Variants in ACTR3C observed in about 807,000 individuals in gnomAD.
ACTR3C encodes the protein actin-related protein 3C.
Under a neutral mutation model 26.3 loss-of-function variants are expected in ACTR3C, and 18 were observed. The ratio of observed to expected loss-of-function variants is 0.68; its 90% CI spans 0.47 to 1.01. The LOEUF is 1.01. ACTR3C is among the 50% of genes least tolerant of loss of function. The probability of loss-of-function intolerance (pLI) is 0.00; values close to 1 mark genes in which losing one functional copy is unlikely to be tolerated. For missense variants in ACTR3C, 184 were observed against 250.7 expected (o/e 0.73, Z 1.80); for synonymous variants, 55 against 94.5 (o/e 0.58, Z 2.42).
At chr7:150,258,007 G>A (rs996826780) in intron 6 of ACTR3C, among the ~76,000 whole-genome samples, 9 of 152,208 alleles carry the variant, frequency 5.9e-5, no homozygotes, top group African/African-American at 1.7e-4. Context: ...TTAGAGGTGC[G>A]ACCAAGGGGG....
At chr7:150,034,922 G>A in the ACTR3C span, among the ~76,000 whole-genome samples, 1 of 148,938 alleles carries the variant, frequency 6.7e-6, no homozygotes, top group African/African-American at 2.5e-5. Context: ...CCTGCGATGG[G>A]GGTACTAACA....
the ACTR3C span, among the ~76,000 whole-genome samples, chr7:150,140,950 T>G: frequency 1.3e-5 from 2 of 152,228 alleles, no homozygotes; most frequent in Admixed American, 1.3e-4. Context: ...CAAAACAGCC[T>G]TATTGCTGAC....
chr7:150,241,048 A>G (rs1832150437), downstream of ACTR3C, among the ~76,000 whole-genome samples: 1 of 151,956 alleles, frequency 6.6e-6, no homozygotes. Flanking sequence ...GAGAAATTAA[A>G]GAAAGCTAAT....
the ACTR3C span, among the ~76,000 whole-genome samples, chr7:149,930,481 TAGC>T: frequency 6.6e-6 from 1 of 152,226 alleles, no homozygotes; most frequent in African/African-American, 2.4e-5. Flanking sequence ...CAGCTTTCAG[TAGC>T]AGTTCAGTAG....
the ACTR3C span, among the ~76,000 whole-genome samples, chr7:150,068,675 C>T: frequency 6.9e-6 from 1 of 144,228 alleles, no homozygotes; most frequent in Admixed American, 7.1e-5. Context: ...CCCAGCTACT[C>T]GGGAGGCTGA....
intron 3 of ACTR3C, among the ~76,000 whole-genome samples, chr7:150,292,149 C>G (rs1836317469): frequency 6.6e-6 from 1 of 150,458 alleles, no homozygotes; most frequent in African/African-American, 2.5e-5. Context: ...TTTAAAAGAG[C>G]TGTGTGTATG....
At chr7:149,998,097 C>T in the ACTR3C span, among the ~76,000 whole-genome samples, 2 of 150,878 alleles carry the variant, frequency 1.3e-5, no homozygotes, top group African/African-American at 2.4e-5. Context: ...GAAATGCAGG[C>T]AAACTATAGA....
At chr7:150,302,292 C>T (rs968602060) in intron 1 of ACTR3C, among the ~76,000 whole-genome samples, 15 of 152,186 alleles carry the variant, frequency 9.9e-5, no homozygotes, top group Non-Finnish European at 1.0e-4. Context: ...GCCTCTTGCG[C>T]GGTGCTGACG....
chr7:150,242,208 C>G (rs1832221881), downstream of ACTR3C, among the ~76,000 whole-genome samples: 2 of 144,160 alleles, frequency 1.4e-5, no homozygotes, highest in Middle Eastern at 3.2e-3. Context: ...ACAGTGAGAA[C>G]TTGTCTCAAA....
chr7:150,043,566 G>C, the ACTR3C span, among the ~76,000 whole-genome samples: 1 of 152,210 alleles, frequency 6.6e-6, no homozygotes, highest in Non-Finnish European at 1.5e-5. Flanking sequence ...TCAGTACCTG[G>C]CCTCATGGCT....
At chr7:150,136,498 C>T in the ACTR3C span, among the ~76,000 whole-genome samples, 1 of 151,814 alleles carries the variant, frequency 6.6e-6, no homozygotes, top group Admixed American at 6.6e-5. Flanking sequence ...GGTGAAACCC[C>T]GTCTCTACTA....
At chr7:150,065,170 G>T in the ACTR3C span, among the ~76,000 whole-genome samples, 1 of 152,032 alleles carries the variant, frequency 6.6e-6, no homozygotes, top group African/African-American at 2.4e-5. Flanking sequence ...AGTAATTCCT[G>T]CAAGGAAAAA....
chr7:150,133,308 C>G, the ACTR3C span, among the ~76,000 whole-genome samples: 909 of 152,286 alleles, frequency 6.0e-3, 1 homozygote, highest in Non-Finnish European at 9.5e-3. Flanking sequence ...AAGGGACCAA[C>G]TCTCCCTCCC....
At chr7:150,280,286 T>C (rs1301475005) in intron 6 of ACTR3C, among the ~76,000 whole-genome samples, 2 of 152,176 alleles carry the variant, frequency 1.3e-5, no homozygotes, top group African/African-American at 4.8e-5. Context: ...TCACCTGCTC[T>C]CACACGGAGG....
chr7:150,286,121 C>T (rs28758896), intron 5 of ACTR3C, among the ~76,000 whole-genome samples: 33,666 of 151,656 alleles, frequency 0.22, 5,731 homozygotes, highest in African/African-American at 0.47. Flanking sequence ...TATCATCTAT[C>T]GCTCCTAAAA....
the ACTR3C span, among the ~76,000 whole-genome samples, chr7:149,952,815 T>C: frequency 6.6e-6 from 1 of 151,010 alleles, no homozygotes; most frequent in African/African-American, 2.5e-5. Context: ...TAAAGCCTTG[T>C]GTTGAGAATG....
chr7:150,164,278 G>A, the ACTR3C span, among the ~76,000 whole-genome samples: 26 of 152,302 alleles, frequency 1.7e-4, no homozygotes, highest in African/African-American at 6.3e-4. Flanking sequence ...CATATCAGAG[G>A]GTCGAGGAAG....
the ACTR3C span, among the ~76,000 whole-genome samples, chr7:150,051,882 T>C: frequency 3.3e-5 from 5 of 152,336 alleles, no homozygotes; most frequent in South Asian, 8.3e-4. Flanking sequence ...AGTACATCCA[T>C]TGAGTTCAGC....
chr7:150,199,324 T>A, the ACTR3C span, among the ~76,000 whole-genome samples: 7 of 125,108 alleles, frequency 5.6e-5, no homozygotes, highest in Non-Finnish European at 1.1e-4. Context: ...CTGTGCTCTC[T>A]GAAACATGTG....
Sources: allele counts gnomAD v4.1 joint callset (sites outside exome capture counted in the v4.1 genomes callset), GRCh38; gene constraint gnomAD v4.1.1; transcripts MANE v1.5; gene names NCBI Gene and HGNC (gene_info 2026-07-23, HGNC 2026-07-21).